PREX2: variants seen among roughly 807,000 people sequenced by gnomAD.
PREX2 encodes phosphatidylinositol-3,4,5-trisphosphate dependent Rac exchange factor 2.
A neutral mutation model predicts 203.2 loss-of-function variants in PREX2; 107 were observed. That is an observed-to-expected ratio of 0.53 (90% CI 0.45 to 0.62). PREX2 has a LOEUF of 0.62. PREX2 is among the 20% of genes least tolerant of loss of function. The pLI, the probability that PREX2 is intolerant of heterozygous loss-of-function variation, is 0.00. For missense variants in PREX2, 1,777 were observed against 1,955.9 expected, an observed-to-expected ratio of 0.91 and a Z score of 1.72; for synonymous variants, 672 against 663.6, an observed-to-expected ratio of 1.01 and a Z score of -0.19.
At chr8:68,221,611 A>G (rs557613332) in intron 38 of PREX2, among the ~76,000 whole-genome samples, 44 of 152,160 alleles carry the variant, frequency 2.9e-4, no homozygotes, top group Non-Finnish European at 5.7e-4. Flanking sequence ...AGGGGGCAGG[A>G]AGAGTATTTA....
chr8:68,136,191 A>C (rs1811109387), intron 32 of PREX2, among the ~76,000 whole-genome samples: 1 of 151,854 alleles, frequency 6.6e-6, no homozygotes, highest in Non-Finnish European at 1.5e-5. Flanking sequence ...ATATAGTAAA[A>C]CCCCTGAGCT....
At chr8:67,961,171 A>T (rs747528819) in intron 1 of PREX2, among the ~76,000 whole-genome samples, 4 of 152,020 alleles carry the variant, frequency 2.6e-5, no homozygotes, top group African/African-American at 9.7e-5. Context: ...CTTTTAGTAT[A>T]TACCTGGTAT....
rs778752919 is a variant in PREX2 at position 68,022,027 on chromosome 8, A to G, written c.337-9A>G. On this transcript the variant is annotated splice_polypyrimidine_tract_variant and intron_variant, in intron 3 of 39. Transcript: ENST00000288368. ...AAAATGACTAATTTATTCTTACATG[A>G]ATTCACAGAAAGACAAGTTTCGTAT... 2.1e-5 allele frequency: 26 copies of G among 1,252,454 alleles called. No individual in the cohort carries two copies. The highest frequency in any genetic ancestry group is 3.1e-5 in the Non-Finnish European group (26 of 851,200). The allele number at this position is 1,252,454 out of a possible 1,614,324, so 77.6% of individuals were successfully genotyped here.
At chr8:68,005,198 C>G (rs1807057654) in intron 1 of PREX2, among the ~76,000 whole-genome samples, 1 of 152,170 alleles carries the variant, frequency 6.6e-6, no homozygotes, top group Non-Finnish European at 1.5e-5. Flanking sequence ...ATGTAGGCAG[C>G]AACCTTGATT....
intron 1 of PREX2, among the ~76,000 whole-genome samples, chr8:67,965,597 A>G (rs1414483751): frequency 6.6e-6 from 1 of 152,070 alleles, no homozygotes; most frequent in Non-Finnish European, 1.5e-5. Context: ...TGGATGTTCT[A>G]TTGATTGCTT....
intron 38 of PREX2, chr8:68,220,189 A>G: frequency 6.6e-6 from 1 of 152,044 alleles, no homozygotes; most frequent in East Asian, 1.9e-4. Context: ...TTGTGTATAT[A>G]CTTTTCATAC....
At chr8:67,975,387 TC>T (rs1211571181) in intron 1 of PREX2, among the ~76,000 whole-genome samples, 5 of 151,224 alleles carry the variant, frequency 3.3e-5, no homozygotes, top group Non-Finnish European at 7.4e-5. Context: ...ACATTTTTAT[TC>T]TCTATAACTA....
chr8:68,115,809 T>A lies in PREX2; in HGVS notation c.3203T>A (p.Ile1068Lys). ...PKLERKTSEG[I>K]IPTDSDNEKG... ...TTAGAACGTAAGACATCAGAGGGCA[T>A]AATACCAACAGACAGTGACAATGAG... is the stretch of plus-strand genomic sequence containing the variant. Residue 1068 changes from isoleucine to lysine, a missense_variant, in exon 26 of 40, where the codon ATA becomes AAA. Ile to Lys is a moderately radical substitution (Grantham distance 102). Coordinates refer to ENST00000288368, the MANE Select transcript of PREX2 (RefSeq NM_024870.4). The A allele has an allele frequency of 6.2e-7, 1 of 1,613,782 alleles. No individual in the cohort carries two copies. Among genetic ancestry groups the A allele is most frequent in the Non-Finnish European group, 8.5e-7 (1 of 1,179,810 alleles).
rs1813021566 is a variant in PREX2, at chr8:68,224,634, C to T, written c.4775+8C>T. The stretch of plus-strand genomic sequence containing the variant: ...TCCACAGTCTGCACCAAGGTAAGTG[C>T]ATCCCCTGCTCTGCCCTTGCCCGAA... On this transcript the variant is annotated splice_region_variant and intron_variant, in intron 39 of 39. Coordinates refer to ENST00000288368, the MANE Select transcript of PREX2 (RefSeq NM_024870.4). 1 of 1,608,774 alleles carries T rather than the reference C, an allele frequency of 6.2e-7. No homozygotes were observed. The highest frequency in any genetic ancestry group is 1.3e-5 in the African/African-American group (1 of 74,710).
At chr8:68,055,182 TA>T (rs1192622644) in intron 9 of PREX2, among the ~76,000 whole-genome samples, 1 of 152,180 alleles carries the variant, frequency 6.6e-6, no homozygotes, top group Admixed American at 6.5e-5. Flanking sequence ...TCCCACTGGT[TA>T]AAACACTTAG....
At chr8:68,152,423 G>C (rs560271880) in intron 34 of PREX2, among the ~76,000 whole-genome samples, 1 of 151,066 alleles carries the variant, frequency 6.6e-6, no homozygotes, top group South Asian at 2.1e-4. Context: ...CAAAATGTTA[G>C]GAGTCTGTGG....
At position 68,160,226 on chromosome 8, in the gene PREX2, A is replaced by G. The variant is rs140184197; in HGVS notation, c.4346+2790A>G. Among the ~76,000 whole-genome samples the G allele has an allele frequency of 9.9e-4, 151 of 152,272 alleles. 1 individual carries two copies. The highest frequency in any genetic ancestry group is 2.7e-3 in the African/African-American group (114 of 41,580). ...TCACATCAGTCTTTTCCATCCTTGC[A>G]TGAACTTCTTTGAAGACACAACACT... On this transcript the variant is annotated intron_variant, in intron 35 of 39. Transcript: ENST00000288368.
Position 68,121,018 on chromosome 8 carries a change from T to G in PREX2, c.3693T>G (p.Thr1231=). The G allele has an allele frequency of 6.2e-7, 1 of 1,613,706 alleles. No homozygotes were observed. Among genetic ancestry groups the G allele is most frequent in the East Asian group, 2.2e-5 (1 of 44,862 alleles). The change falls in exon 30 of 40, where the codon ACT becomes ACG. Residue 1231 remains threonine (T), a synonymous_variant. Coordinates refer to ENST00000288368, the MANE Select transcript of PREX2 (RefSeq NM_024870.4). ...GGAATCTTCCCAGCAGCGTCCGGAC[T>G]CTTGCTCAGAACATCAGGAAATTTG... The part of the protein sequence containing the change: ...DPWNLPSSVR[T]LAQNIRKFVE...
chr8:67,984,885 C>T (rs770916673), intron 1 of PREX2, among the ~76,000 whole-genome samples: 23 of 152,224 alleles, frequency 1.5e-4, no homozygotes, highest in Non-Finnish European at 2.1e-4. Context: ...GAAACCAGGA[C>T]GGAGAGGGAG....
chr8:68,157,469 G>T, intron 35 of PREX2, 33 bp downstream of exon 35: 1 of 1,146,874 alleles, frequency 8.7e-7, no homozygotes, highest in Non-Finnish European at 1.3e-6. Flanking sequence ...AATAATGAGT[G>T]TCTATATTTT....
At chr8:67,986,426 T>A (rs1806427762) in intron 1 of PREX2, among the ~76,000 whole-genome samples, 1 of 152,212 alleles carries the variant, frequency 6.6e-6, no homozygotes, top group Admixed American at 6.5e-5. Flanking sequence ...GGCTGCTCCA[T>A]CCATGCAGGC....
chr8:68,120,569 T>G (rs1371735389), intron 29 of PREX2, among the ~76,000 whole-genome samples: 1 of 152,108 alleles, frequency 6.6e-6, no homozygotes, highest in Non-Finnish European at 1.5e-5. Flanking sequence ...TGAAGTTGAT[T>G]TTGCTGAAAC....
intron 11 of PREX2, among the ~76,000 whole-genome samples, chr8:68,061,728 A>G (rs1377857850): frequency 6.6e-6 from 1 of 152,150 alleles, no homozygotes; most frequent in African/African-American, 2.4e-5. Flanking sequence ...TTTGCTGTGG[A>G]CCGTGTAGGC....
chr8:68,064,312 C>T (rs560510269), intron 11 of PREX2, among the ~76,000 whole-genome samples: 1 of 152,022 alleles, frequency 6.6e-6, no homozygotes, highest in South Asian at 2.1e-4. Context: ...ATTATTAATT[C>T]AATTATATAA....
Sources: gnomAD v4.1 joint callset for allele counts (sites outside exome capture counted in the v4.1 genomes callset) on GRCh38, gnomAD v4.1.1 for gene constraint, MANE v1.5 for transcripts, NCBI Gene and HGNC (gene_info 2026-07-23, HGNC 2026-07-21) for gene names.